The following B3GALT1 variants were observed in gnomAD, a reference collection of about 807,000 sequenced individuals.
The protein encoded by B3GALT1 is UDP-Gal:betaGlcNAc beta 1,3-galactosyltransferase, polypeptide 1.
In B3GALT1, 10 loss-of-function variants were observed where a neutral mutation model predicts 23.2. That is an observed-to-expected ratio of 0.43 (90% CI 0.27 to 0.73). B3GALT1 has a LOEUF of 0.73. Ranked by LOEUF, B3GALT1 falls within the 30% of genes least tolerant of loss-of-function variation. B3GALT1 has a pLI of 0.21. For synonymous variants in B3GALT1, 156 were observed against 141.5 expected, an observed-to-expected ratio of 1.10 and a Z score of -0.73; for missense variants, 299 against 405.4, an observed-to-expected ratio of 0.74 and a Z score of 2.25.
chr2:167,316,809 G>T (rs1195324890), intron 1 of B3GALT1, among the ~76,000 whole-genome samples: 1 of 152,044 alleles, frequency 6.6e-6, no homozygotes, highest in Non-Finnish European at 1.5e-5. Flanking sequence ...TGCTTCCTGA[G>T]ATCAGCTCCC....
chr2:167,435,965 A>ACACACACACACACACACG (rs1310317408), intron 1 of B3GALT1, among the ~76,000 whole-genome samples: 1 of 142,084 alleles, frequency 7.0e-6, no homozygotes, highest in African/African-American at 3.0e-5. Context: ...ACACACACAC[A>ACACACACACACACACACG]CACACACACA....
intron 1 of B3GALT1, among the ~76,000 whole-genome samples, chr2:167,487,309 T>G (rs1022345491): frequency 6.6e-6 from 1 of 152,204 alleles, no homozygotes; most frequent in Non-Finnish European, 1.5e-5. Context: ...TTTTGCTGAT[T>G]AAATATAAAA....
intron 3 of B3GALT1, among the ~76,000 whole-genome samples, chr2:167,691,674 T>C (rs1053501041): frequency 9.2e-5 from 14 of 152,150 alleles, no homozygotes; most frequent in Admixed American, 7.2e-4. Context: ...ATAAATGTTG[T>C]GTAATGTGTA....
At chr2:167,597,947 C>T (rs1478273595) in intron 2 of B3GALT1, among the ~76,000 whole-genome samples, 2 of 152,060 alleles carry the variant, frequency 1.3e-5, no homozygotes, top group Admixed American at 1.3e-4. Context: ...TAAATTAAAC[C>T]ATAGATAGAC....
chr2:167,494,228 T>C (rs1007093153), intron 2 of B3GALT1, among the ~76,000 whole-genome samples: 13 of 151,930 alleles, frequency 8.6e-5, no homozygotes, highest in Admixed American at 7.9e-4. Flanking sequence ...AATTTTAAAA[T>C]AGAATAAATA....
At chr2:167,803,906 T>G (rs1688692641) in intron 3 of B3GALT1, among the ~76,000 whole-genome samples, 1 of 152,188 alleles carries the variant, frequency 6.6e-6, no homozygotes, top group South Asian at 2.1e-4. Flanking sequence ...TGGAGGCATA[T>G]TTCACAGGTC....
chr2:167,664,279 T>C (rs2105475767), intron 3 of B3GALT1, among the ~76,000 whole-genome samples: 1 of 151,486 alleles, frequency 6.6e-6, no homozygotes, highest in Middle Eastern at 3.4e-3. Context: ...TGTAGATGTG[T>C]GGCGTTATTT....
chr2:167,396,592 G>T (rs1013962711), intron 1 of B3GALT1, among the ~76,000 whole-genome samples: 6 of 149,446 alleles, frequency 4.0e-5, no homozygotes, highest in African/African-American at 1.5e-4. Context: ...GGATGGAAAG[G>T]TTTATAATAT....
intron 4 of B3GALT1, among the ~76,000 whole-genome samples, chr2:167,844,621 T>C: frequency 6.6e-6 from 1 of 152,198 alleles, no homozygotes; most frequent in Non-Finnish European, 1.5e-5. Flanking sequence ...AAACAGGCCC[T>C]TCCTGCTGGG....
At chr2:167,679,177 C>A (rs374916679) in intron 3 of B3GALT1, among the ~76,000 whole-genome samples, 1 of 151,168 alleles carries the variant, frequency 6.6e-6, no homozygotes, top group East Asian at 1.9e-4. Context: ...AGTGCAATGG[C>A]GCAAAATCTC....
In B3GALT1 at chr2:167,640,977, C is replaced by A. The variant is rs181023276; in HGVS notation, c.-409-5932C>A. Among the ~76,000 whole-genome samples the A allele has an allele frequency of 1.6e-3, 244 of 152,192 alleles. 4 individuals carry two copies. Among genetic ancestry groups the A allele is most frequent in the African/African-American group, 5.4e-3 (226 of 41,532 alleles). On this transcript the variant is annotated intron_variant, in intron 2 of 4. Transcript: ENST00000392690. Reference sequence around the variant, plus strand: ...ATATCCTTGGGACGTTATACTTGACCTTTCTATCTATTCAAAGCCTACCTA... The same window carrying A: ...ATATCCTTGGGACGTTATACTTGACATTTCTATCTATTCAAAGCCTACCTA...
chr2:167,820,600 C>T (rs1469861504), intron 4 of B3GALT1, among the ~76,000 whole-genome samples: 2 of 152,180 alleles, frequency 1.3e-5, no homozygotes, highest in Non-Finnish European at 2.9e-5. Context: ...TGCCCCTCTC[C>T]GTCCCCCCAA....
intron 2 of B3GALT1, among the ~76,000 whole-genome samples, chr2:167,567,091 TA>T (rs1329921533): frequency 6.6e-6 from 1 of 152,196 alleles, no homozygotes; most frequent in Non-Finnish European, 1.5e-5. Context: ...AGTTGAATTT[TA>T]AAGTGGAATG....
chr2:167,521,776 G>A (rs1194840938), intron 2 of B3GALT1, among the ~76,000 whole-genome samples: 2 of 151,722 alleles, frequency 1.3e-5, no homozygotes, highest in Non-Finnish European at 1.5e-5. Context: ...ACAATGTTAT[G>A]TAATTCCTAG....
At chr2:167,306,282 T>C (rs1181351940) in intron 1 of B3GALT1, among the ~76,000 whole-genome samples, 1 of 151,980 alleles carries the variant, frequency 6.6e-6, no homozygotes, top group African/African-American at 2.4e-5. Flanking sequence ...ATGATTATAA[T>C]AAAATATAAA....
rs1472413907 is a variant in B3GALT1, at chr2:167,293,142, C to A, written c.-703C>A. ...CACCCCGCCGCGCCGCCGGCGCTGC[C>A]GGTCTTGCAGGCGGCCGCCGGGGAG... is the stretch of plus-strand genomic sequence containing the variant. On this transcript the variant is annotated 5_prime_UTR_variant, in exon 1 of 5. Coordinates refer to ENST00000392690, the MANE Select transcript of B3GALT1 (RefSeq NM_020981.4). 1.3e-5 allele frequency: 2 copies of A among 151,372 alleles called. No homozygotes were observed. Among genetic ancestry groups the A allele is most frequent in the South Asian group, 2.1e-4 (1 of 4,844 alleles). The allele number at this position is 151,372 out of a possible 1,614,324, so 9.4% of individuals were successfully genotyped here. A position where few individuals can be genotyped will look rare whatever the true frequency, so the allele number is the denominator to read the frequency against.
In B3GALT1 at chr2:167,872,954, A is replaced by G. The variant is rs1282554015; in HGVS notation, c.*2934A>G. ...CATTTGTCCAGTGTTTCATAGCCTT[A>G]AGCATGTTTGCCCTTCGTTTTTTGA... is the stretch of plus-strand genomic sequence containing the variant. On this transcript the variant is annotated 3_prime_UTR_variant, in exon 5 of 5. Coordinates refer to ENST00000392690, the MANE Select transcript of B3GALT1 (RefSeq NM_020981.4). 1.3e-5 allele frequency: 2 copies of G among 152,284 alleles called. No individual in the cohort carries two copies. Among genetic ancestry groups the G allele is most frequent in the East Asian group, 3.9e-4 (2 of 5,168 alleles). 9.4% of individuals were successfully genotyped at this position (152,284 alleles called of 1,614,324 possible). A position where few individuals can be genotyped will look rare whatever the true frequency, so the allele number is the denominator to read the frequency against.
At chr2:167,690,206 TA>T (rs968946238) in intron 3 of B3GALT1, among the ~76,000 whole-genome samples, 1 of 151,866 alleles carries the variant, frequency 6.6e-6, no homozygotes, top group African/African-American at 2.4e-5. Flanking sequence ...ATTTATGATT[TA>T]AAAAAATCAA....
intron 3 of B3GALT1, among the ~76,000 whole-genome samples, chr2:167,701,813 A>G: frequency 6.6e-6 from 1 of 152,184 alleles, no homozygotes; most frequent in South Asian, 2.1e-4. Context: ...TTTTGAGGAC[A>G]GATGCTATTT....
Sources: gnomAD v4.1 joint callset for allele counts (sites outside exome capture counted in the v4.1 genomes callset) on GRCh38, gnomAD v4.1.1 for gene constraint, MANE v1.5 for transcripts, NCBI Gene and HGNC (gene_info 2026-07-23, HGNC 2026-07-21) for gene names.